Variants in DHTKD1 observed in about 807,000 individuals in gnomAD.
DHTKD1 encodes the protein dehydrogenase E1 and transketolase domain containing 1.
In DHTKD1, 78 loss-of-function variants were observed where a neutral mutation model predicts 101.8. The observed-to-expected ratio is 0.77, with a 90% CI of 0.64 to 0.93. The LOEUF (loss-of-function observed/expected upper bound fraction) is 0.93. DHTKD1 is among the 40% of genes least tolerant of loss of function. DHTKD1 has a pLI of 0.00. For synonymous variants in DHTKD1, 462 were observed against 450.3 expected, an observed-to-expected ratio of 1.03 and a Z score of -0.33; for missense variants, 1,223 against 1,161.7, an observed-to-expected ratio of 1.05 and a Z score of -0.77.
chr10:12,073,831 G>A (rs1381657468), intron 1 of DHTKD1, among the ~76,000 whole-genome samples: 2 of 152,172 alleles, frequency 1.3e-5, no homozygotes, highest in Non-Finnish European at 2.9e-5. Flanking sequence ...AAGTTTGAGG[G>A]CTCTGAAAAG....
In DHTKD1 at chr10:12,087,220, G is replaced by A. The variant is rs896440710; in HGVS notation, c.523-315G>A. On this transcript the variant is annotated intron_variant, in intron 3 of 16. Coordinates refer to ENST00000263035, the MANE Select transcript of DHTKD1 (RefSeq NM_018706.7). The surrounding 1 kb of genome is among the most constrained non-coding windows in gnomAD (Gnocchi z 5.2). ...CGTAGAGCCCCGTGTGAAAACTGGG[G>A]TACTGGGAAGAGGCAGCAGAAATCT... Among the ~76,000 whole-genome samples the A allele has an allele frequency of 2.0e-5, 3 of 152,096 alleles. No individual in the cohort carries two copies. Among genetic ancestry groups the A allele is most frequent in the African/African-American group, 4.8e-5 (2 of 41,412 alleles).
intron 5 of DHTKD1, 138 bp from the exon 6 acceptor site, chr10:12,091,375 T>C (rs1832986698): frequency 3.3e-6 from 2 of 614,782 alleles, no homozygotes; most frequent in Admixed American, 8.9e-5. Flanking sequence ...TCGTGCCATT[T>C]CACTCCAGCC....
intron 5 of DHTKD1, 52 bp downstream of exon 5, chr10:12,089,307 T>G (rs772043595): frequency 4.9e-5 from 76 of 1,565,692 alleles, no homozygotes; most frequent in Non-Finnish European, 6.6e-5. Context: ...CTGGGAAGAA[T>G]GTGTGGGTTG....
At chr10:12,114,333 A>G (rs1488487614) in intron 13 of DHTKD1, among the ~76,000 whole-genome samples, 6 of 150,142 alleles carry the variant, frequency 4.0e-5, no homozygotes, top group South Asian at 2.1e-4. Context: ...GTCTCACTCT[A>G]TCACCCAGGC....
intron 1 of DHTKD1, among the ~76,000 whole-genome samples, chr10:12,079,250 A>G (rs1020991855): frequency 6.6e-6 from 1 of 152,122 alleles, no homozygotes; most frequent in Non-Finnish European, 1.5e-5. Flanking sequence ...ATGCCTGGCT[A>G]CCAATATTTA....
intron 1 of DHTKD1, among the ~76,000 whole-genome samples, chr10:12,071,020 C>T (rs1161514394): frequency 6.6e-6 from 1 of 152,200 alleles, no homozygotes; most frequent in Non-Finnish European, 1.5e-5. Context: ...CATCAGCTTT[C>T]TAGGTGGAAA....
rs187300293 is a variant in DHTKD1, at chr10:12,115,989, G to C, written c.2320-1684G>C. The stretch of plus-strand genomic sequence containing the variant: ...TCTGTCACCCAGGCTGGAGTGCAAT[G>C]GCACAATATCAGCTCACTGCAACCT... On this transcript the variant is annotated intron_variant, in intron 13 of 16. Coordinates refer to ENST00000263035, the MANE Select transcript of DHTKD1 (RefSeq NM_018706.7). Among the ~76,000 whole-genome samples, 646 of 149,470 alleles carry C rather than the reference G, an allele frequency of 4.3e-3. 7 individuals are homozygous for C. Among genetic ancestry groups the C allele is most frequent in the African/African-American group, 0.012 (482 of 40,268 alleles).
intron 13 of DHTKD1, among the ~76,000 whole-genome samples, chr10:12,114,824 C>G (rs1833389448): frequency 2.0e-5 from 3 of 152,146 alleles, no homozygotes; most frequent in Admixed American, 6.6e-5. Context: ...GAGACGGAGT[C>G]TCGCTCTGTC....
intron 7 of DHTKD1, among the ~76,000 whole-genome samples, chr10:12,094,607 G>C (rs936207995): frequency 6.6e-6 from 1 of 152,180 alleles, no homozygotes; most frequent in African/African-American, 2.4e-5. Context: ...AAAGTGCTGG[G>C]ATTACAGGCA....
rs957398838 is a variant in DHTKD1 at position 12,107,016 on chromosome 10, G to T, written c.2047+620G>T. On this transcript the variant is annotated intron_variant, in intron 11 of 16. Transcript: ENST00000263035. The surrounding 1 kb of genome is among the most constrained non-coding windows in gnomAD (Gnocchi z 4.1). ...TTTTTTTTTTTTGAGACGGAGTCTC[G>T]CTCTGTCACCCAGGCTGGAGTGCAG... is the stretch of plus-strand genomic sequence containing the variant. 6.8e-6 allele frequency among the ~76,000 whole-genome samples: 1 copy of T among 147,234 alleles called. No homozygotes were observed. Among genetic ancestry groups the T allele is most frequent in the African/African-American group, 2.5e-5 (1 of 39,874 alleles).
intron 12 of DHTKD1, 55 bp from the exon 13 acceptor site, chr10:12,112,845 C>A: frequency 1.3e-6 from 2 of 1,514,230 alleles, no homozygotes; most frequent in Admixed American, 2.1e-5. Flanking sequence ...ATTGTCACTA[C>A]GACTGAAATA....
At chr10:12,088,173 T>A (rs1832932277) in intron 4 of DHTKD1, among the ~76,000 whole-genome samples, 1 of 148,946 alleles carries the variant, frequency 6.7e-6, no homozygotes, top group African/African-American at 2.5e-5. Context: ...GGAAGTCAAC[T>A]AAGGCTGGGC....
chr10:12,118,628 C>G (rs564753156), intron 14 of DHTKD1, 121 bp from the exon 15 acceptor site: 6 of 583,836 alleles, frequency 1.0e-5, no homozygotes, highest in Non-Finnish European at 1.7e-5. Flanking sequence ...GTGATCCGCC[C>G]GCCTTGGCCT....
At chr10:12,104,820 G>A (rs1444334186) in intron 10 of DHTKD1, among the ~76,000 whole-genome samples, 1 of 151,824 alleles carries the variant, frequency 6.6e-6, no homozygotes, top group Non-Finnish European at 1.5e-5. Context: ...ACCAAAATCA[G>A]GAAATGAACA....
chr10:12,118,439 G>A (rs1315234093), intron 14 of DHTKD1, among the ~76,000 whole-genome samples: 1 of 148,420 alleles, frequency 6.7e-6, no homozygotes, highest in African/African-American at 2.5e-5. Context: ...CTGGAGTGCA[G>A]TGGCACGATC....
chr10:12,078,727 G>C (rs4750163), intron 1 of DHTKD1, among the ~76,000 whole-genome samples: 151,309 of 152,316 alleles, frequency 0.99, 75,167 homozygotes, highest in East Asian at 1. Context: ...TCACACAGGC[G>C]GGAGTGCAGT....
chr10:12,097,622 C>G, intron 7 of DHTKD1, 62 bp from the exon 8 acceptor site: 1 of 1,443,210 alleles, frequency 6.9e-7, no homozygotes, highest in Non-Finnish European at 9.5e-7. Context: ...CAGTGACTCT[C>G]CTTGTCTCTA....
intron 9 of DHTKD1, 109 bp from the exon 10 acceptor site, chr10:12,100,933 C>A: frequency 8.9e-7 from 1 of 1,126,606 alleles, no homozygotes; most frequent in Non-Finnish European, 1.3e-6. Flanking sequence ...TATCTGTTAT[C>A]CTAAGGAAAA....
In DHTKD1 at chr10:12,121,030, G is replaced by A. The variant is rs934858411; in HGVS notation, c.*142G>A. 5.2e-5 allele frequency: 32 copies of A among 612,504 alleles called. No individual in the cohort carries two copies. The highest frequency in any genetic ancestry group is 8.8e-5 in the Non-Finnish European group (31 of 352,532). The allele number at this position is 612,504 out of a possible 1,614,324, so 37.9% of individuals were successfully genotyped here. ...AGGTCAGGAGTTCGAGACCAGCCTGGCCAACACGGTGAAACCCCGCCTCTA... is the reference window on the plus strand; with the variant it reads ...AGGTCAGGAGTTCGAGACCAGCCTGACCAACACGGTGAAACCCCGCCTCTA... On this transcript the variant is annotated 3_prime_UTR_variant, in exon 17 of 17. Transcript: ENST00000263035.
Sources: allele counts gnomAD v4.1 joint callset (sites outside exome capture counted in the v4.1 genomes callset), GRCh38; gene constraint gnomAD v4.1.1; non-coding constraint Gnocchi (gnomAD v3.1); transcripts MANE v1.5; gene names NCBI Gene and HGNC (gene_info 2026-07-23, HGNC 2026-07-21).